Variants in RABEP1 observed in about 807,000 individuals in gnomAD.
RABEP1 encodes the protein rabaptin, RAB GTPase binding effector protein 1.
In RABEP1, 51 loss-of-function variants were observed where a neutral mutation model predicts 123.4. The ratio of observed to expected loss-of-function variants is 0.41; its 90% CI spans 0.33 to 0.52. RABEP1 has a LOEUF of 0.52. Among genes scored for constraint, RABEP1 ranks in the 20% least tolerant of loss-of-function variants. The pLI is 0.16. For synonymous variants in RABEP1, 347 were observed against 355.2 expected (o/e 0.98, Z 0.26); for missense variants, 888 against 996.3 (o/e 0.89, Z 1.46).
chr17:5,283,026 G>T (rs774669234), intron 1 of RABEP1, among the ~76,000 whole-genome samples: 13 of 152,122 alleles, frequency 8.5e-5, no homozygotes, highest in Non-Finnish European at 1.9e-4. Context: ...CTGAATGGCA[G>T]TGTGGCTTAA....
intron 1 of RABEP1, among the ~76,000 whole-genome samples, chr17:5,284,853 A>G (rs554953474): frequency 5.4e-5 from 8 of 147,966 alleles, no homozygotes; most frequent in African/African-American, 2.0e-4. Context: ...CTGCTGATTA[A>G]AAAAAAAAAA....
Position 5,335,245 on chromosome 17 carries a change from G to GACT in RABEP1, c.429_430insACT (p.Trp143_Ala144insThr). 1 of 1,613,870 alleles carries GACT rather than the reference G, an allele frequency of 6.2e-7. No homozygotes were observed. Among genetic ancestry groups the GACT allele is most frequent in the Admixed American group, 1.7e-5 (1 of 59,994 alleles). ...GGCTGGAGCAGGAGCGAACACAGTG[G>GACT]GCACAGTATAGAGAATCCGCAGAGA... is the stretch of plus-strand genomic sequence containing the variant. On this transcript the variant is annotated inframe_insertion, in exon 4 of 18. Transcript: ENST00000537505.
chr17:5,342,870 TAAAAC>T (rs1375794944), intron 5 of RABEP1, among the ~76,000 whole-genome samples: 1 of 152,154 alleles, frequency 6.6e-6, no homozygotes, highest in Non-Finnish European at 1.5e-5. Context: ...AATGGATCAA[TAAAAC>T]AGAAAGCCCA....
chr17:5,291,424 C>A (rs2075032408), intron 1 of RABEP1, among the ~76,000 whole-genome samples: 1 of 152,050 alleles, frequency 6.6e-6, no homozygotes, highest in African/African-American at 2.4e-5. Context: ...AAAAAGAAAA[C>A]TAGACTTACA....
chr17:5,282,595 G>GGCAGGCGGCGGCAAGGGCGC, intron 1 of RABEP1, 75 bp downstream of exon 1: 1 of 1,020,042 alleles, frequency 9.8e-7, no homozygotes, highest in Non-Finnish European at 1.2e-6. Context: ...TTTCGGGGCG[G>GGCAGGCGGCGGCAAGGGCGC]GCAGGCGGCG....
At position 5,368,387 on chromosome 17, in the gene RABEP1, A is replaced by C. The variant is rs768576457; in HGVS notation, c.1803A>C (p.Leu601=). 6.2e-7 allele frequency: 1 copy of C among 1,613,360 alleles called. No homozygotes were observed. Among genetic ancestry groups the C allele is most frequent in the Non-Finnish European group, 8.5e-7 (1 of 1,179,464 alleles). Residue 601 remains leucine (L), a synonymous_variant, in exon 12 of 18, where the codon CTA becomes CTC. Transcript: ENST00000537505. ...DSSHQISALV[L]RAQASEILLE... Reference sequence around the variant, plus strand: ...TTTTAAAGATCTCTGCACTCGTCCTAAGAGCCCAGGCCTCCGAGATCTTAC... The same window carrying C: ...TTTTAAAGATCTCTGCACTCGTCCTCAGAGCCCAGGCCTCCGAGATCTTAC...
chr17:5,293,798 G>A (rs866943604), intron 1 of RABEP1, among the ~76,000 whole-genome samples: 6 of 152,146 alleles, frequency 3.9e-5, no homozygotes, highest in South Asian at 2.1e-4. Flanking sequence ...GTTCTCTGTC[G>A]CAAAATCAAT....
chr17:5,322,582 A>G (rs915094097), intron 2 of RABEP1, among the ~76,000 whole-genome samples: 3 of 152,140 alleles, frequency 2.0e-5, no homozygotes, highest in Admixed American at 2.0e-4. Flanking sequence ...CCAGGCAGCA[A>G]ATCAACAAAG....
At chr17:5,358,393 G>A (rs1430584648) in intron 8 of RABEP1, among the ~76,000 whole-genome samples, 2 of 151,898 alleles carry the variant, frequency 1.3e-5, no homozygotes, top group Non-Finnish European at 2.9e-5. Context: ...CTGCCTGGCC[G>A]GGCATGGTGG....
intron 17 of RABEP1, among the ~76,000 whole-genome samples, chr17:5,382,642 C>A (rs1911574341): frequency 6.6e-6 from 1 of 151,696 alleles, no homozygotes; most frequent in African/African-American, 2.4e-5. Flanking sequence ...ATCCCAGCTA[C>A]TTGGGAGGCT....
At chr17:5,378,071 C>G in intron 14 of RABEP1, 106 bp from the exon 15 acceptor site, 1 of 795,876 alleles carries the variant, frequency 1.3e-6, no homozygotes, top group African/African-American at 1.7e-5. Context: ...AACCCATGTT[C>G]AGCATACATT....
At chr17:5,322,820 A>G (rs1905512371) in intron 2 of RABEP1, among the ~76,000 whole-genome samples, 1 of 152,208 alleles carries the variant, frequency 6.6e-6, no homozygotes, top group Non-Finnish European at 1.5e-5. Context: ...CATGCCTGTA[A>G]TCCCAACACT....
intron 5 of RABEP1, among the ~76,000 whole-genome samples, chr17:5,340,968 A>AGT (rs2144623144): frequency 6.6e-6 from 1 of 150,572 alleles, no homozygotes; most frequent in African/African-American, 2.4e-5. Flanking sequence ...AAAAAGTACA[A>AGT]ACAAAATAAA....
intron 5 of RABEP1, among the ~76,000 whole-genome samples, chr17:5,344,610 A>C (rs970796041): frequency 1.3e-5 from 2 of 151,546 alleles, no homozygotes; most frequent in Non-Finnish European, 2.9e-5. Flanking sequence ...GTCTCTACTA[A>C]AAATATGAAA....
chr17:5,303,439 G>A (rs1040860950), intron 1 of RABEP1, among the ~76,000 whole-genome samples: 3 of 151,902 alleles, frequency 2.0e-5, no homozygotes, highest in African/African-American at 4.8e-5. Context: ...ACAGGGTTTC[G>A]CCACATTGAC....
chr17:5,291,817 G>A (rs2144456934), intron 1 of RABEP1, among the ~76,000 whole-genome samples: 1 of 152,190 alleles, frequency 6.6e-6, no homozygotes, highest in East Asian at 1.9e-4. Flanking sequence ...ACAGGAGAGA[G>A]TCATCTGAAC....
intron 3 of RABEP1, among the ~76,000 whole-genome samples, chr17:5,333,882 C>T (rs1385128370): frequency 6.6e-6 from 1 of 152,202 alleles, no homozygotes; most frequent in African/African-American, 2.4e-5. Context: ...CCCAGCATAT[C>T]CCTTTCGCTT....
intron 2 of RABEP1, among the ~76,000 whole-genome samples, chr17:5,311,955 A>G (rs890162800): frequency 1.1e-4 from 17 of 152,256 alleles, no homozygotes; most frequent in Admixed American, 7.2e-4. Context: ...TTATTATTCA[A>G]TTCTCTTAGC....
At chr17:5,335,898 T>G (rs574491550) in intron 4 of RABEP1, among the ~76,000 whole-genome samples, 3 of 152,158 alleles carry the variant, frequency 2.0e-5, no homozygotes, top group African/African-American at 7.2e-5. Flanking sequence ...GTGGGTGTTG[T>G]TGCTTGATGA....
Sources: allele counts gnomAD v4.1 joint callset (sites outside exome capture counted in the v4.1 genomes callset), GRCh38; gene constraint gnomAD v4.1.1; transcripts MANE v1.5; gene names NCBI Gene and HGNC (gene_info 2026-07-23, HGNC 2026-07-21).